PRKAG2: variants seen among roughly 807,000 people sequenced by gnomAD.
PRKAG2 encodes the protein 5'-AMP-activated protein kinase subunit gamma-2.
PRKAG2 carries 26 observed loss-of-function variants against 69.6 expected under a neutral mutation model. The ratio of observed to expected loss-of-function variants is 0.37; its 90% CI spans 0.27 to 0.52. PRKAG2 has a LOEUF of 0.52. Among genes scored for constraint, PRKAG2 ranks in the 20% least tolerant of loss-of-function variants. PRKAG2 has a pLI of 0.90. For synonymous variants in PRKAG2, 293 were observed against 285.0 expected, an observed-to-expected ratio of 1.03 and a Z score of -0.28; for missense variants, 557 against 740.0, an observed-to-expected ratio of 0.75 and a Z score of 2.87.
At chr7:151,557,982 G>T in intron 15 of PRKAG2, 1 of 984,644 alleles carries the variant, frequency 1.0e-6, no homozygotes, top group Non-Finnish European at 1.2e-6. Flanking sequence ...TGGATTGGCA[G>T]GGAGAGCTAC....
chr7:151,808,587 G>T (rs2078242122), intron 1 of PRKAG2, among the ~76,000 whole-genome samples: 1 of 140,192 alleles, frequency 7.1e-6, no homozygotes, highest in Admixed American at 7.3e-5. Flanking sequence ...TCTAGTGCAG[G>T]TTGTTGGGGG....
At chr7:151,726,388 ACACACACACACACG>A (rs1479045146) in intron 3 of PRKAG2, among the ~76,000 whole-genome samples, 3 of 107,052 alleles carry the variant, frequency 2.8e-5, no homozygotes, top group South Asian at 3.1e-4. Flanking sequence ...ACACACACAC[ACACACACACACACG>A]CACACACACA....
intron 3 of PRKAG2, among the ~76,000 whole-genome samples, chr7:151,708,048 C>G (rs1036210091): frequency 6.6e-6 from 1 of 152,212 alleles, no homozygotes; most frequent in Non-Finnish European, 1.5e-5. Flanking sequence ...CTGGCCCCCG[C>G]TGTCCACAAG....
rs2078563030 is a variant in PRKAG2, at chr7:151,814,134, A to G, written c.115-27593T>C. ...GAGAGACAGACTCAGAGAGGAATGGAGCTGAACACGCCCACACACATACCA... is the reference window on the plus strand; with the variant it reads ...GAGAGACAGACTCAGAGAGGAATGGGGCTGAACACGCCCACACACATACCA... On this transcript the variant is annotated intron_variant, in intron 1 of 15. Transcript: ENST00000287878. The surrounding 1 kb of genome is among the most constrained non-coding windows in gnomAD (Gnocchi z 4.8). Among the ~76,000 whole-genome samples the G allele has an allele frequency of 6.6e-6, 1 of 152,210 alleles. No homozygotes were observed. The highest frequency in any genetic ancestry group is 2.4e-5 in the African/African-American group (1 of 41,452).
rs535595885 is a variant in PRKAG2 at position 151,606,548 on chromosome 7, G to A, written c.755-11094C>T. Among the ~76,000 whole-genome samples, 6 of 152,242 alleles carry A rather than the reference G, an allele frequency of 3.9e-5. No homozygotes were observed. In the South Asian group the frequency reaches 8.3e-4, roughly 21 times the overall value. On this transcript the variant is annotated intron_variant, in intron 5 of 15. Coordinates refer to ENST00000287878, the MANE Select transcript of PRKAG2 (RefSeq NM_016203.4). Reference sequence around the variant, plus strand: ...TTATCAAAATTCCTTGGCCGCGTGCGGTGGCTCACGCCTGTAATCCCAGCA... The same window carrying A: ...TTATCAAAATTCCTTGGCCGCGTGCAGTGGCTCACGCCTGTAATCCCAGCA...
intron 5 of PRKAG2, among the ~76,000 whole-genome samples, chr7:151,616,141 G>A (rs1366879089): frequency 3.9e-5 from 6 of 152,200 alleles, no homozygotes; most frequent in African/African-American, 7.2e-5. Flanking sequence ...AAGCAAAGGC[G>A]GAATGCATGT....
intron 1 of PRKAG2, among the ~76,000 whole-genome samples, chr7:151,793,303 C>T (rs1362094386): frequency 2.0e-5 from 3 of 152,226 alleles, no homozygotes; most frequent in Non-Finnish European, 4.4e-5. Flanking sequence ...GAAGGAGCTT[C>T]CTCTGCCTTC....
rs142138919 is a variant in PRKAG2, at chr7:151,794,053, C to T, written c.115-7512G>A. On this transcript the variant is annotated intron_variant, in intron 1 of 15. Transcript: ENST00000287878. Reference sequence around the variant, plus strand: ...ATCCAACTGTTTTTCACTCCTATGGCCACCCTTCCTCCCTGGCTCCCTCAC... The same window carrying T: ...ATCCAACTGTTTTTCACTCCTATGGTCACCCTTCCTCCCTGGCTCCCTCAC... 2.2e-4 allele frequency among the ~76,000 whole-genome samples: 34 copies of T among 152,272 alleles called. No individual in the cohort carries two copies. The East Asian group carries it at 4.7e-3, about 21-fold the overall frequency.
intron 3 of PRKAG2, among the ~76,000 whole-genome samples, chr7:151,715,017 ATTTT>A (rs111586277): frequency 0.36 from 52,116 of 142,816 alleles, 10,608 homozygotes; most frequent in East Asian, 0.83. Context: ...ATTAAAAGCA[ATTTT>A]TTTTTTTTTT....
chr7:151,839,182 G>A (rs1264824442), intron 1 of PRKAG2, among the ~76,000 whole-genome samples: 1 of 152,184 alleles, frequency 6.6e-6, no homozygotes, highest in Non-Finnish European at 1.5e-5. Context: ...TGCACCAGAA[G>A]CTTCCTAGAA....
At chr7:151,747,760 A>G (rs544339645) in intron 3 of PRKAG2, among the ~76,000 whole-genome samples, 11 of 152,258 alleles carry the variant, frequency 7.2e-5, no homozygotes, top group African/African-American at 2.6e-4. Context: ...TCATTCTACC[A>G]CTTGATTGTT....
chr7:151,673,603 C>T (rs977435629), intron 4 of PRKAG2, among the ~76,000 whole-genome samples: 7 of 152,136 alleles, frequency 4.6e-5, no homozygotes, highest in African/African-American at 1.7e-4. Context: ...TTTGCTACAC[C>T]TGTGTTTAAT....
intron 1 of PRKAG2, among the ~76,000 whole-genome samples, chr7:151,824,984 C>T (rs978988198): frequency 1.3e-5 from 2 of 152,160 alleles, no homozygotes; most frequent in African/African-American, 4.8e-5. Context: ...GAGACTGAGG[C>T]GGGCGGATCA....
chr7:151,725,518 T>C (rs931968918), intron 3 of PRKAG2, among the ~76,000 whole-genome samples: 7 of 150,212 alleles, frequency 4.7e-5, no homozygotes, highest in African/African-American at 1.7e-4. Context: ...TAAAGATGGG[T>C]ACATTGGTAA....
At chr7:151,645,576 T>C (rs182667734) in intron 4 of PRKAG2, among the ~76,000 whole-genome samples, 1 of 152,266 alleles carries the variant, frequency 6.6e-6, no homozygotes, top group East Asian at 1.9e-4. Flanking sequence ...GATAATACAA[T>C]GGGTTTTAAA....
At chr7:151,851,719 G>A (rs2079572915) in intron 1 of PRKAG2, among the ~76,000 whole-genome samples, 1 of 152,202 alleles carries the variant, frequency 6.6e-6, no homozygotes, top group Non-Finnish European at 1.5e-5. Context: ...TGTCTTAGAA[G>A]TGGATGCTTC....
chr7:151,725,657 A>G (rs1033324117), intron 3 of PRKAG2, among the ~76,000 whole-genome samples: 4 of 152,094 alleles, frequency 2.6e-5, no homozygotes, highest in African/African-American at 9.7e-5. Context: ...GCAAAAATAC[A>G]ATTATTTATA....
At chr7:151,795,128 G>A (rs1406813159) in intron 1 of PRKAG2, among the ~76,000 whole-genome samples, 1 of 152,228 alleles carries the variant, frequency 6.6e-6, no homozygotes, top group Non-Finnish European at 1.5e-5. Flanking sequence ...ACACATGCTT[G>A]TCTTCTTCCA....
At chr7:151,832,783 TC>T (rs1046548456) in intron 1 of PRKAG2, among the ~76,000 whole-genome samples, 3 of 151,940 alleles carry the variant, frequency 2.0e-5, no homozygotes, top group African/African-American at 7.3e-5. Flanking sequence ...AGACCTTCCC[TC>T]CCTCTTCTCT....
Sources: allele counts gnomAD v4.1 joint callset (sites outside exome capture counted in the v4.1 genomes callset), GRCh38; gene constraint gnomAD v4.1.1; non-coding constraint Gnocchi (gnomAD v3.1); transcripts MANE v1.5; gene names NCBI Gene and HGNC (gene_info 2026-07-23, HGNC 2026-07-21).